RILPL1: variants seen among roughly 807,000 people sequenced by gnomAD.
RILPL1 encodes RILP-like protein 1.
RILPL1 carries 33 observed loss-of-function variants against 50.3 expected under a neutral mutation model. That is an observed-to-expected ratio of 0.66 (90% confidence interval 0.50 to 0.88). The LOEUF is 0.88. Ranked by LOEUF, RILPL1 falls within the 40% of genes least tolerant of loss-of-function variation. RILPL1 has a pLI of 0.00. For missense variants in RILPL1, 418 were observed against 542.5 expected, an observed-to-expected ratio of 0.77 and a Z score of 2.28; for synonymous variants, 205 against 228.6, an observed-to-expected ratio of 0.90 and a Z score of 0.93.
chr12:123,485,720 A>C lies in RILPL1; in HGVS notation c.887T>G (p.Leu296Arg). Residue 296 changes from leucine (L) to arginine (R), a missense_variant, in exon 5 of 7, where the codon CTG becomes CGG. Physicochemically the swap from Leu to Arg is moderately radical, Grantham distance 102 (BLOSUM62 -2). Coordinates refer to ENST00000376874, the MANE Select transcript of RILPL1 (RefSeq NM_178314.5). The surrounding 1 kb of genome is among the most constrained non-coding windows in gnomAD (Gnocchi z 4.0). Reference sequence around the variant, plus strand: ...GTGCAGCACGTCCCGCAGCTCCTGCAGGGTGAACCGGGGGCGGTTGGGGTC... The same window carrying C: ...GTGCAGCACGTCCCGCAGCTCCTGCCGGGTGAACCGGGGGCGGTTGGGGTC... ...LKDPNRPRFT[L>R]QELRDVLHER... The C allele has an allele frequency of 6.2e-7, 1 of 1,613,468 alleles. No homozygotes were observed. The highest frequency in any genetic ancestry group is 1.7e-4 in the Middle Eastern group (1 of 6,056).
intron 4 of RILPL1, among the ~76,000 whole-genome samples, chr12:123,490,810 G>A (rs1019505730): frequency 4.2e-4 from 63 of 151,016 alleles, no homozygotes; most frequent in African/African-American, 1.5e-3. Context: ...GAGTGCAATG[G>A]CATGATCTCA....
In RILPL1 at chr12:123,509,471, G is replaced by A. The variant is rs924464045; in HGVS notation, c.461-9935C>T. ...CCAGCTACTTGGGAGGCTGAGGCTG[G>A]AGAATTGCTTGAACCTGAAAGGTGG... On this transcript the variant is annotated intron_variant, in intron 2 of 6. Coordinates refer to ENST00000376874, the MANE Select transcript of RILPL1 (RefSeq NM_178314.5). Among the ~76,000 whole-genome samples, 7 of 151,822 alleles carry A rather than the reference G, an allele frequency of 4.6e-5. No homozygotes were observed. The East Asian group carries it at 1.4e-3, about 30-fold the overall frequency.
chr12:123,503,826 C>T (rs1285044969), intron 2 of RILPL1, among the ~76,000 whole-genome samples: 1 of 151,636 alleles, frequency 6.6e-6, no homozygotes, highest in East Asian at 2.0e-4. Context: ...ACGGTGAAAC[C>T]CTGTCTCTAC....
chr12:123,533,045 C>G lies in RILPL1; in HGVS notation c.309+129G>C, dbSNP rs1885496329. The G allele has an allele frequency of 4.0e-6, 4 of 1,008,768 alleles. No homozygotes were observed. The highest frequency in any genetic ancestry group is 2.8e-6 in the Non-Finnish European group (2 of 713,066). 62.5% of individuals were successfully genotyped at this position (1,008,768 alleles called of 1,614,324 possible). A position where few individuals can be genotyped will look rare whatever the true frequency, so the allele number is the denominator to read the frequency against. The stretch of plus-strand genomic sequence containing the variant: ...GAAGGCCAGGGCCTCCCTCCCTCCC[C>G]ACGTCGGGTCTCCTCTGGTCCGGTC... On this transcript the variant is annotated intron_variant, in intron 1 of 6. Transcript: ENST00000376874. This position sits in a 1 kb window ranked among gnomAD's most constrained non-coding sequence, Gnocchi z 6.2.
rs373514624 is a variant in RILPL1, at chr12:123,503,186, C to CTTTTTTTTTTTT, written c.461-3662_461-3651dup. On this transcript the variant is annotated intron_variant, in intron 2 of 6. Transcript: ENST00000376874. ...ACAGGCGTGAACCACCACGCCTGGC[C>CTTTTTTTTTTTT]TTTTTTTTTTTTTTTTTTTTTTTTT... is the stretch of plus-strand genomic sequence containing the variant. Among the ~76,000 whole-genome samples, 16 of 80,740 alleles carry CTTTTTTTTTTTT rather than the reference C, an allele frequency of 2.0e-4. 1 individual carries two copies. Among genetic ancestry groups the CTTTTTTTTTTTT allele is most frequent in the Non-Finnish European group, 3.5e-4 (15 of 43,340 alleles). 53.0% of individuals were successfully genotyped at this position (80,740 alleles called of 152,430 possible).
In RILPL1 at chr12:123,485,708, C is replaced by T. The variant is rs769531820; in HGVS notation, c.899G>A (p.Arg300Gln). 2.5e-5 allele frequency: 41 copies of T among 1,613,448 alleles called. No homozygotes were observed. Among genetic ancestry groups the T allele is most frequent in the African/African-American group, 4.0e-5 (3 of 74,900 alleles). The change falls in exon 5 of 7, where the codon CGG becomes CAG. Residue 300 changes from arginine to glutamine, a missense_variant. Coordinates refer to ENST00000376874, the MANE Select transcript of RILPL1 (RefSeq NM_178314.5). This position sits in a 1 kb window ranked among gnomAD's most constrained non-coding sequence, Gnocchi z 4.0. ...CTCGTTCCTCTCGTGCAGCACGTCC[C>T]GCAGCTCCTGCAGGGTGAACCGGGG... Reference protein sequence around the residue: ...NRPRFTLQELRDVLHERNELK... With the variant: ...NRPRFTLQELQDVLHERNELK...
chr12:123,519,038 C>A (rs1884872286), intron 2 of RILPL1, among the ~76,000 whole-genome samples: 1 of 109,412 alleles, frequency 9.1e-6, no homozygotes, highest in African/African-American at 3.7e-5. Context: ...GCCTAGGCGA[C>A]AGAGTGAGAC....
chr12:123,474,719 G>T (rs1262746813), intron 6 of RILPL1: 1 of 152,214 alleles, frequency 6.6e-6, no homozygotes, highest in South Asian at 2.1e-4. Flanking sequence ...CTTGGTAAGA[G>T]ATATCATATA....
Position 123,498,376 on chromosome 12 carries a change from C to T in RILPL1, c.801+168G>A, listed in dbSNP as rs1347101423. Among the ~76,000 whole-genome samples the T allele has an allele frequency of 3.3e-5, 5 of 152,050 alleles. No homozygotes were observed. Among genetic ancestry groups the T allele is most frequent in the South Asian group, 2.1e-4 (1 of 4,830 alleles). ...CTGGTACTACAGGTGTGCACCACCA[C>T]GCGTGGCTAATTAAAAAAAATGTTT... On this transcript the variant is annotated intron_variant, in intron 4 of 6. Transcript: ENST00000376874. This position sits in a 1 kb window ranked among gnomAD's most constrained non-coding sequence, Gnocchi z 4.3.
In RILPL1 at chr12:123,485,194, C is replaced by A. The variant is rs1407690966; in HGVS notation, c.974+439G>T. ...GGACAAGATAAATAAGACTTCTGGT[C>A]TCATGTTGCTTGTGGTCTCATGTGG... On this transcript the variant is annotated intron_variant, in intron 5 of 6. Transcript: ENST00000376874. The surrounding 1 kb of genome is among the most constrained non-coding windows in gnomAD (Gnocchi z 4.0). 2.2e-6 allele frequency: 1 copy of A among 456,918 alleles called. No individual in the cohort carries two copies. Among genetic ancestry groups the A allele is most frequent in the Non-Finnish European group, 4.4e-6 (1 of 227,476 alleles). 28.3% of individuals were successfully genotyped at this position (456,918 alleles called of 1,614,324 possible). A position where few individuals can be genotyped will look rare whatever the true frequency, so the allele number is the denominator to read the frequency against.
intron 2 of RILPL1, among the ~76,000 whole-genome samples, chr12:123,506,280 C>T (rs1043157974): frequency 3.3e-5 from 5 of 152,196 alleles, no homozygotes; most frequent in African/African-American, 7.2e-5. Flanking sequence ...GAGGGCAATG[C>T]GGGCTGAGGC....
Position 123,485,624 on chromosome 12 carries a change from G to A in RILPL1, c.974+9C>T, listed in dbSNP as rs750465853. ...CCAGCTCGGGCCATCCAGCCCCAGG[G>A]ACACTTGCCTCTTATAGTAAGCCAG... On this transcript the variant is annotated intron_variant, in intron 5 of 6. Transcript: ENST00000376874. This position sits in a 1 kb window ranked among gnomAD's most constrained non-coding sequence, Gnocchi z 4.0. 2 of 1,613,118 alleles carry A rather than the reference G, an allele frequency of 1.2e-6. No individual in the cohort carries two copies.
chr12:123,512,931 TGTGTGTGTGGTGTGTGAGGTCC>T (rs1884452787), intron 2 of RILPL1, among the ~76,000 whole-genome samples: 1 of 144,864 alleles, frequency 6.9e-6, no homozygotes, highest in Non-Finnish European at 1.5e-5. Context: ...GTGACATCTG[TGTGTGTGTGGTGTGTGAGGTCC>T]GTGTGTGTGT....
Position 123,472,739 on chromosome 12 carries a change from C to G in RILPL1, c.1068-57G>C, listed in dbSNP as rs1881279554. The G allele has an allele frequency of 2.6e-6, 4 of 1,558,316 alleles. No individual in the cohort carries two copies. The East Asian group carries it at 9.4e-5, about 37-fold the overall frequency. On this transcript the variant is annotated intron_variant, in intron 6 of 6. Transcript: ENST00000376874. ...AGCTGACCCTTTGCTGTGCAAGTCACGTTTTTTGCAATGCCGGAGACATAT... is the reference window on the plus strand; with the variant it reads ...AGCTGACCCTTTGCTGTGCAAGTCAGGTTTTTTGCAATGCCGGAGACATAT...
Position 123,498,438 on chromosome 12 carries a change from G to C in RILPL1, c.801+106C>G. On this transcript the variant is annotated intron_variant, in intron 4 of 6. Transcript: ENST00000376874. The surrounding 1 kb of genome is among the most constrained non-coding windows in gnomAD (Gnocchi z 4.3). ...GGGTCTTGCTATGTTGCCCAGGTTG[G>C]CCATTTTCTGAAGTATAATGGGGAA... 2.0e-6 allele frequency: 2 copies of C among 990,444 alleles called. No homozygotes were observed. The highest frequency in any genetic ancestry group is 1.4e-5 in the South Asian group (1 of 69,456). The allele number at this position is 990,444 out of a possible 1,614,324, so 61.4% of individuals were successfully genotyped here.
At chr12:123,523,970 C>T (rs534320066) in intron 1 of RILPL1, among the ~76,000 whole-genome samples, 40 of 152,368 alleles carry the variant, frequency 2.6e-4, no homozygotes, top group South Asian at 4.1e-4. Context: ...GGGGTCCGAA[C>T]GTTCCTAACC....
chr12:123,477,309 G>A (rs1349951337), intron 6 of RILPL1, among the ~76,000 whole-genome samples: 1 of 145,714 alleles, frequency 6.9e-6, no homozygotes, highest in Non-Finnish European at 1.5e-5. Flanking sequence ...CTAGGAGTTA[G>A]GAGTTGGTAT....
In RILPL1 at chr12:123,481,547, C is replaced by T. The variant is rs79396174; in HGVS notation, c.1067+2633G>A. Among the ~76,000 whole-genome samples the T allele has an allele frequency of 9.9e-3, 1,484 of 150,518 alleles. 13 individuals carry two copies. Among genetic ancestry groups the T allele is most frequent in the African/African-American group, 0.03 (1,230 of 40,466 alleles). On this transcript the variant is annotated intron_variant, in intron 6 of 6. Transcript: ENST00000376874. Reference sequence around the variant, plus strand: ...AAGTTGGAACTTTTAGTTCCTTAGCCAAATTTGTTTTCTTTTTTTTTTTTT... The same window carrying T: ...AAGTTGGAACTTTTAGTTCCTTAGCTAAATTTGTTTTCTTTTTTTTTTTTT...
chr12:123,522,442 G>A lies in RILPL1; in HGVS notation c.460+1053C>T, dbSNP rs546097906. Reference sequence around the variant, plus strand: ...CCATTCAGGTCTGGGATGCCATCCCGGGCTGCTCACTGGTAAGCGTTTGCC... The same window carrying A: ...CCATTCAGGTCTGGGATGCCATCCCAGGCTGCTCACTGGTAAGCGTTTGCC... On this transcript the variant is annotated intron_variant, in intron 2 of 6. Transcript: ENST00000376874. This position sits in a 1 kb window ranked among gnomAD's most constrained non-coding sequence, Gnocchi z 4.0. Among the ~76,000 whole-genome samples the A allele has an allele frequency of 1.3e-4, 20 of 152,264 alleles. No individual in the cohort carries two copies. Among genetic ancestry groups the A allele is most frequent in the Admixed American group, 2.0e-4 (3 of 15,296 alleles).
Sources: gnomAD v4.1 joint callset for allele counts (sites outside exome capture counted in the v4.1 genomes callset) on GRCh38, gnomAD v4.1.1 for gene constraint, Gnocchi (gnomAD v3.1) non-coding constraint, MANE v1.5 for transcripts, NCBI Gene and HGNC (gene_info 2026-07-23, HGNC 2026-07-21) for gene names.